CHRM5: variants seen among roughly 807,000 people sequenced by gnomAD.
The protein encoded by CHRM5 is muscarinic acetylcholine receptor M5.
In CHRM5, 18 loss-of-function variants were observed where a neutral mutation model predicts 39.0. That is an observed-to-expected ratio of 0.46 (90% confidence interval 0.32 to 0.68). The LOEUF (loss-of-function observed/expected upper bound fraction) is 0.68. CHRM5 is among the 30% of genes least tolerant of loss of function. CHRM5 has a pLI of 0.04. For synonymous variants in CHRM5, 241 were observed against 246.3 expected (o/e 0.98, Z 0.20); for missense variants, 515 against 651.1 (o/e 0.79, Z 2.28).
intron 1 of CHRM5, chr15:34,007,070 T>C (rs530400234): frequency 2.5e-5 from 25 of 984,384 alleles, no homozygotes; most frequent in African/African-American, 3.5e-5. Context: ...ACTGGTTGCA[T>C]TGTTCAGAGA....
At chr15:33,995,655 A>T (rs1896902465) in intron 1 of CHRM5, among the ~76,000 whole-genome samples, 1 of 152,256 alleles carries the variant, frequency 6.6e-6, no homozygotes, top group Non-Finnish European at 1.5e-5. Context: ...TACTGAAATG[A>T]CTAAATGAAT....
chr15:34,020,339 T>G (rs1049174024), intron 1 of CHRM5, among the ~76,000 whole-genome samples: 1 of 152,160 alleles, frequency 6.6e-6, no homozygotes, highest in Non-Finnish European at 1.5e-5. Flanking sequence ...AATAGAGGTT[T>G]TAAAAGGATA....
chr15:34,053,934 C>CA (rs1247033233), intron 2 of CHRM5, among the ~76,000 whole-genome samples: 1 of 152,008 alleles, frequency 6.6e-6, no homozygotes, highest in African/African-American at 2.4e-5. Flanking sequence ...ATCCATCTGA[C>CA]AAAGGGCTAA....
intron 1 of CHRM5, among the ~76,000 whole-genome samples, chr15:34,043,449 T>C (rs537817944): frequency 6.6e-6 from 1 of 152,296 alleles, no homozygotes; most frequent in Admixed American, 6.5e-5. Flanking sequence ...ATATAAACAA[T>C]GCAAACTGGA....
At chr15:34,015,121 T>C (rs1310222087) in intron 1 of CHRM5, among the ~76,000 whole-genome samples, 1 of 151,988 alleles carries the variant, frequency 6.6e-6, no homozygotes, top group Non-Finnish European at 1.5e-5. Context: ...CAACAAAGGA[T>C]CACAGTCAAA....
chr15:34,001,532 C>T (rs73387940), intron 1 of CHRM5, among the ~76,000 whole-genome samples: 13,665 of 152,136 alleles, frequency 0.09, 717 homozygotes, highest in South Asian at 0.21. Flanking sequence ...CTTCATTCCC[C>T]TTCTCCCACC....
chr15:34,057,442 A>G (rs2140838128), intron 2 of CHRM5, among the ~76,000 whole-genome samples: 1 of 152,156 alleles, frequency 6.6e-6, no homozygotes, highest in East Asian at 1.9e-4. Context: ...GTGCCCAGCC[A>G]GAATAGTCAT....
intron 1 of CHRM5, among the ~76,000 whole-genome samples, chr15:33,982,813 TG>T (rs1896213875): frequency 3.3e-5 from 5 of 149,916 alleles, no homozygotes; most frequent in African/African-American, 1.2e-4. Context: ...TCTCTCTCTC[TG>T]GACCAGCCCA....
chr15:33,981,510 G>A (rs1036619106), intron 1 of CHRM5, among the ~76,000 whole-genome samples: 1 of 152,024 alleles, frequency 6.6e-6, no homozygotes, highest in Non-Finnish European at 1.5e-5. Context: ...GGAAGGGGAG[G>A]AAACACAAGT....
At chr15:33,991,876 T>A (rs1896739671) in intron 1 of CHRM5, 1 of 153,096 alleles carries the variant, frequency 6.5e-6, no homozygotes, top group Non-Finnish European at 1.5e-5. Context: ...GTCATAGATT[T>A]AAAGGAAAAA....
chr15:33,983,183 CGTGT>C (rs536612414), intron 1 of CHRM5, among the ~76,000 whole-genome samples: 17,487 of 94,778 alleles, frequency 0.18, 2,270 homozygotes, highest in African/African-American at 0.4. Flanking sequence ...TATATACACA[CGTGT>C]GTGTATGTGT....
Position 34,035,655 on chromosome 15 carries a change from A to T in CHRM5, c.-407-10885A>T, listed in dbSNP as rs1899080924. 2.0e-5 allele frequency among the ~76,000 whole-genome samples: 3 copies of T among 152,232 alleles called. No homozygotes were observed. In the East Asian group the frequency reaches 5.8e-4, roughly 29 times the overall value. ...ACAAATGTGAATTACTGTTATTACT[A>T]GAGGAAGGAAAAAAGAAAAAAAATT... On this transcript the variant is annotated intron_variant, in intron 1 of 2. Transcript: ENST00000383263.
At chr15:33,970,130 C>T (rs532268982) in intron 1 of CHRM5, among the ~76,000 whole-genome samples, 10 of 152,022 alleles carry the variant, frequency 6.6e-5, no homozygotes, top group African/African-American at 2.2e-4. Context: ...CACCTAACTA[C>T]GGAGATCTTG....
chr15:34,045,399 T>C lies in CHRM5; in HGVS notation c.-407-1141T>C, dbSNP rs543881852. On this transcript the variant is annotated intron_variant, in intron 1 of 2. Coordinates refer to ENST00000383263, the MANE Select transcript of CHRM5 (RefSeq NM_012125.4). ...AAAAGGAGTTAGATATATCTTACTT[T>C]AAAATATTCACCAAAAAAATGCAAG... Among the ~76,000 whole-genome samples the C allele has an allele frequency of 1.3e-4, 20 of 152,352 alleles. No homozygotes were observed. The South Asian group carries it at 3.9e-3, about 30-fold the overall frequency.
intron 1 of CHRM5, among the ~76,000 whole-genome samples, chr15:33,992,499 C>T (rs977943028): frequency 2.6e-5 from 4 of 151,966 alleles, no homozygotes; most frequent in African/African-American, 9.7e-5. Flanking sequence ...TTTGGTTATC[C>T]AATTGAAAAT....
Position 34,012,233 on chromosome 15 carries a change from T to C in CHRM5, c.-407-34307T>C, listed in dbSNP as rs551595626. Among the ~76,000 whole-genome samples, 4 of 152,206 alleles carry C rather than the reference T, an allele frequency of 2.6e-5. No homozygotes were observed. The South Asian group carries it at 8.3e-4, about 32-fold the overall frequency. On this transcript the variant is annotated intron_variant, in intron 1 of 2. Transcript: ENST00000383263. ...TTTGCTTCTTGACGTGGTTATGATC[T>C]GAGAGAAAAGATACCGTTTTGCTTT...
intron 1 of CHRM5, among the ~76,000 whole-genome samples, chr15:33,986,718 G>T (rs148131373): frequency 6.6e-6 from 1 of 151,830 alleles, no homozygotes; most frequent in Non-Finnish European, 1.5e-5. Context: ...ATGCAGTGGC[G>T]CAATCTTGGC....
intron 1 of CHRM5, chr15:33,991,258 C>A (rs966846828): frequency 6.6e-6 from 1 of 152,146 alleles, no homozygotes; most frequent in Non-Finnish European, 1.5e-5. Context: ...TATAAAAATA[C>A]AGACCTTCTA....
chr15:33,980,809 A>G (rs683915), intron 1 of CHRM5, among the ~76,000 whole-genome samples: 123,260 of 152,158 alleles, frequency 0.81, 54,675 homozygotes, highest in Non-Finnish European at 0.98. Flanking sequence ...TATGCAAAAC[A>G]TTATCAACAA....
Sources: allele counts gnomAD v4.1 joint callset (sites outside exome capture counted in the v4.1 genomes callset), GRCh38; gene constraint gnomAD v4.1.1; transcripts MANE v1.5; gene names NCBI Gene and HGNC (gene_info 2026-07-23, HGNC 2026-07-21).